GULP1: variants seen among roughly 807,000 people sequenced by gnomAD.
The protein encoded by GULP1 is PTB domain-containing engulfment adapter protein 1.
Under a neutral mutation model 40.9 loss-of-function variants are expected in GULP1, and 19 were observed. That is an observed-to-expected ratio of 0.46 (90% CI 0.32 to 0.68). The LOEUF (loss-of-function observed/expected upper bound fraction) is 0.68, where lower values mean the gene tolerates loss of function less well. GULP1 is among the 30% of genes least tolerant of loss of function. The pLI, the probability that GULP1 is intolerant of heterozygous loss-of-function variation, is 0.03. For missense variants in GULP1, 312 were observed against 362.2 expected, an observed-to-expected ratio of 0.86 and a Z score of 1.12; for synonymous variants, 119 against 117.6, an observed-to-expected ratio of 1.01 and a Z score of -0.08.
At chr2:188,312,380 A>G (rs552580713) in intron 1 of GULP1, among the ~76,000 whole-genome samples, 239 of 152,174 alleles carry the variant, frequency 1.6e-3, no homozygotes, top group Non-Finnish European at 2.4e-3. Flanking sequence ...TCCCACTTAT[A>G]AATGAGAACA....
chr2:188,443,146 C>G (rs2152876517), intron 2 of GULP1, among the ~76,000 whole-genome samples: 1 of 148,530 alleles, frequency 6.7e-6, no homozygotes, highest in Non-Finnish European at 1.5e-5. Flanking sequence ...TAAGAATTAG[C>G]AAGTATCCAG....
chr2:188,468,869 A>G (rs1373671674), intron 2 of GULP1, among the ~76,000 whole-genome samples: 1 of 152,190 alleles, frequency 6.6e-6, no homozygotes, highest in Non-Finnish European at 1.5e-5. Flanking sequence ...TGCCAACTAT[A>G]AGATCAGCAA....
At chr2:188,488,877 G>T (rs538456990) in intron 4 of GULP1, among the ~76,000 whole-genome samples, 2 of 151,948 alleles carry the variant, frequency 1.3e-5, no homozygotes, top group African/African-American at 2.4e-5. Context: ...ATCAAATATA[G>T]AAAGATAAGG....
At chr2:188,464,307 T>C (rs2059943654) in intron 2 of GULP1, among the ~76,000 whole-genome samples, 1 of 152,202 alleles carries the variant, frequency 6.6e-6, no homozygotes, top group African/African-American at 2.4e-5. Context: ...CAAAGAATTC[T>C]CTGGATTACC....
chr2:188,350,657 C>CT (rs933756756), intron 1 of GULP1, among the ~76,000 whole-genome samples: 108 of 150,814 alleles, frequency 7.2e-4, no homozygotes, highest in Non-Finnish European at 1.2e-3. Context: ...ATGTGGATGG[C>CT]TTTTTTTTTC....
chr2:188,497,115 C>T (rs761540072), intron 4 of GULP1, among the ~76,000 whole-genome samples: 7 of 151,842 alleles, frequency 4.6e-5, no homozygotes, highest in African/African-American at 1.2e-4. Context: ...GTTATCTGCC[C>T]GTTTTTGAAA....
chr2:188,356,582 CAATT>C (rs767341708), intron 1 of GULP1, among the ~76,000 whole-genome samples: 7 of 152,052 alleles, frequency 4.6e-5, no homozygotes, highest in Admixed American at 6.6e-5. Context: ...TGGATTAACA[CAATT>C]AATATTGTTA....
chr2:188,514,712 A>G (rs1430508163), intron 4 of GULP1, among the ~76,000 whole-genome samples: 1 of 152,190 alleles, frequency 6.6e-6, no homozygotes, highest in Non-Finnish European at 1.5e-5. Context: ...TTTTTACACA[A>G]TTTTAAATAA....
chr2:188,353,618 G>A (rs183826497), intron 1 of GULP1, among the ~76,000 whole-genome samples: 67 of 152,028 alleles, frequency 4.4e-4, no homozygotes, highest in East Asian at 2.7e-3. Flanking sequence ...AGCAGTCACC[G>A]CTGCCTGTGC....
intron 7 of GULP1, among the ~76,000 whole-genome samples, chr2:188,555,564 C>T (rs1437063228): frequency 6.6e-6 from 1 of 152,090 alleles, no homozygotes; most frequent in African/African-American, 2.4e-5. Context: ...AATGCTTTTG[C>T]TGAGAAATTC....
intron 1 of GULP1, among the ~76,000 whole-genome samples, chr2:188,374,528 T>C (rs2048041536): frequency 6.6e-6 from 1 of 152,128 alleles, no homozygotes; most frequent in African/African-American, 2.4e-5. Flanking sequence ...AAACATGAGG[T>C]CAAAATAGCC....
At chr2:188,569,518 G>A in intron 8 of GULP1, 163 bp downstream of exon 8, 2 of 605,822 alleles carry the variant, frequency 3.3e-6, no homozygotes, top group South Asian at 1.8e-5. Flanking sequence ...CTGATCCCCT[G>A]CACAGTTTTT....
At chr2:188,325,297 A>G (rs1487874995) in intron 1 of GULP1, among the ~76,000 whole-genome samples, 5 of 152,204 alleles carry the variant, frequency 3.3e-5, no homozygotes, top group East Asian at 3.9e-4. Flanking sequence ...AGAGAATGCA[A>G]TGCAATTTCT....
At chr2:188,395,357 C>G (rs1026968283) in intron 2 of GULP1, among the ~76,000 whole-genome samples, 1 of 152,202 alleles carries the variant, frequency 6.6e-6, no homozygotes, top group Non-Finnish European at 1.5e-5. Flanking sequence ...GTGCACTCCA[C>G]CTGTGGGGAT....
intron 11 of GULP1, chr2:188,589,258 A>G (rs1021062070): frequency 6.6e-6 from 1 of 152,230 alleles, no homozygotes; most frequent in Admixed American, 6.5e-5. Flanking sequence ...TCAAATTTCT[A>G]TTGATTTCAA....
intron 1 of GULP1, among the ~76,000 whole-genome samples, chr2:188,295,380 C>T (rs185736847): frequency 2.6e-5 from 4 of 152,282 alleles, no homozygotes; most frequent in African/African-American, 7.2e-5. Context: ...CAGCACCGAA[C>T]TTCTCAGCTC....
chr2:188,297,552 C>A (rs2035239471), intron 1 of GULP1: 1 of 446,684 alleles, frequency 2.2e-6, no homozygotes, highest in South Asian at 1.7e-5. Context: ...GCTACAAAGG[C>A]AAAGTTTAAG....
chr2:188,462,531 G>A (rs1475029103), intron 2 of GULP1, among the ~76,000 whole-genome samples: 4 of 152,024 alleles, frequency 2.6e-5, no homozygotes, highest in Admixed American at 1.3e-4. Flanking sequence ...GAAGTCTCCC[G>A]CTATTATTGG....
intron 1 of GULP1, among the ~76,000 whole-genome samples, chr2:188,340,086 G>A (rs2042762593): frequency 6.6e-6 from 1 of 152,194 alleles, no homozygotes; most frequent in South Asian, 2.1e-4. Context: ...ATCTAAGAGA[G>A]GGGATGGACT....
Sources: allele counts gnomAD v4.1 joint callset (sites outside exome capture counted in the v4.1 genomes callset), GRCh38; gene constraint gnomAD v4.1.1; transcripts MANE v1.5; gene names NCBI Gene and HGNC (gene_info 2026-07-23, HGNC 2026-07-21).